The following SLC13A1 variants were observed in gnomAD, a reference collection of about 807,000 sequenced individuals.
SLC13A1 encodes Na(+)/sulfate cotransporter.
Under a neutral mutation model 70.0 loss-of-function variants are expected in SLC13A1, and 65 were observed. That is an observed-to-expected ratio of 0.93 (90% confidence interval 0.76 to 1.14). The LOEUF (loss-of-function observed/expected upper bound fraction) is 1.14, where lower values mean the gene tolerates loss of function less well. Ranked by LOEUF, SLC13A1 falls within the 50% of genes most tolerant of loss-of-function variation. The probability of loss-of-function intolerance (pLI) is 0.00; values close to 1 mark genes in which losing one functional copy is unlikely to be tolerated. For synonymous variants in SLC13A1, 275 were observed against 250.5 expected (o/e 1.10, Z -0.92); for missense variants, 726 against 717.8 (o/e 1.01, Z -0.13).
intron 2 of SLC13A1, among the ~76,000 whole-genome samples, chr7:123,179,642 C>T (rs1795571590): frequency 6.6e-6 from 1 of 152,122 alleles, no homozygotes; most frequent in Non-Finnish European, 1.5e-5. Flanking sequence ...CCTTCCCAGG[C>T]ACCCTTCCCT....
intron 8 of SLC13A1, among the ~76,000 whole-genome samples, chr7:123,131,436 G>A (rs1793755695): frequency 6.6e-6 from 1 of 152,078 alleles, no homozygotes; most frequent in Non-Finnish European, 1.5e-5. Flanking sequence ...TAGTTAAGTC[G>A]AAAGCCAAAT....
At chr7:123,152,002 G>A (rs910505467) in intron 6 of SLC13A1, among the ~76,000 whole-genome samples, 1 of 142,174 alleles carries the variant, frequency 7.0e-6, no homozygotes, top group Non-Finnish European at 1.6e-5. Context: ...ACAGACTGCA[G>A]CCTACAAAAT....
intron 6 of SLC13A1, among the ~76,000 whole-genome samples, chr7:123,151,280 C>T (rs968285862): frequency 5.3e-5 from 8 of 151,872 alleles, no homozygotes; most frequent in Non-Finnish European, 1.0e-4. Context: ...GTCAAGATTG[C>T]ATCACTGCAC....
At chr7:123,185,208 G>A in intron 1 of SLC13A1, among the ~76,000 whole-genome samples, 1 of 148,148 alleles carries the variant, frequency 6.8e-6, no homozygotes, top group African/African-American at 2.4e-5. Context: ...TGAATAGTTT[G>A]CAAATATTTT....
chr7:123,118,960 GTTAC>G (rs1053217950), intron 13 of SLC13A1, 117 bp downstream of exon 13: 5 of 733,340 alleles, frequency 6.8e-6, no homozygotes, highest in African/African-American at 1.8e-5. Flanking sequence ...CACCCTGTAA[GTTAC>G]TTACAGGAGG....
intron 12 of SLC13A1, among the ~76,000 whole-genome samples, chr7:123,120,357 G>A (rs140750732): frequency 3.3e-5 from 5 of 152,044 alleles, no homozygotes; most frequent in African/African-American, 9.6e-5. Flanking sequence ...TAGAATTCTA[G>A]GTTCAAAATA....
chr7:123,134,156 G>T (rs1033285108), intron 8 of SLC13A1, among the ~76,000 whole-genome samples: 1 of 152,128 alleles, frequency 6.6e-6, no homozygotes, highest in African/African-American at 2.4e-5. Flanking sequence ...GCCTTTCAAA[G>T]TGCTGGGATT....
intron 1 of SLC13A1, among the ~76,000 whole-genome samples, chr7:123,192,587 C>T (rs1478952251): frequency 3.3e-5 from 5 of 152,024 alleles, no homozygotes; most frequent in African/African-American, 9.7e-5. Context: ...CTCAGCACAG[C>T]GTGAGAAAAG....
chr7:123,152,149 A>G (rs1248621663), intron 6 of SLC13A1, among the ~76,000 whole-genome samples: 1 of 152,138 alleles, frequency 6.6e-6, no homozygotes, highest in Non-Finnish European at 1.5e-5. Context: ...GCTGCTGTGT[A>G]TAGGAGAGTT....
intron 8 of SLC13A1, among the ~76,000 whole-genome samples, chr7:123,133,963 G>C (rs968072004): frequency 6.6e-6 from 1 of 152,066 alleles, no homozygotes; most frequent in East Asian, 1.9e-4. Context: ...TCAGCCTCTT[G>C]AGTAGCTGGG....
At chr7:123,185,946 G>T (rs1477345928) in intron 1 of SLC13A1, among the ~76,000 whole-genome samples, 1 of 151,888 alleles carries the variant, frequency 6.6e-6, no homozygotes, top group East Asian at 1.9e-4. Flanking sequence ...CTATTGATGG[G>T]TTCATCCCAG....
rs563515717 is a variant in SLC13A1 at position 123,119,318 on chromosome 7, AC to A, written c.1351-77del. ...CAGACACAATAAAATCCATAAAAAAACATTATTTCCTTTGAAAACTCACTTT... is the reference window on the plus strand; with the variant it reads ...CAGACACAATAAAATCCATAAAAAAAATTATTTCCTTTGAAAACTCACTTT... On this transcript the variant is annotated intron_variant, in intron 12 of 14. Transcript: ENST00000194130. The A allele has an allele frequency of 2.9e-4, 292 of 1,020,466 alleles. No homozygotes were observed. The African/African-American group carries it at 3.9e-3, about 14-fold the overall frequency. The allele number at this position is 1,020,466 out of a possible 1,614,324, so 63.2% of individuals were successfully genotyped here.
intron 12 of SLC13A1, among the ~76,000 whole-genome samples, chr7:123,121,648 T>C (rs1793385980): frequency 6.6e-6 from 1 of 152,116 alleles, no homozygotes; most frequent in Admixed American, 6.6e-5. Context: ...CTGATAAGAA[T>C]TTGAAACTGT....
At chr7:123,117,247 C>G (rs1793210278) in intron 14 of SLC13A1, among the ~76,000 whole-genome samples, 1 of 152,084 alleles carries the variant, frequency 6.6e-6, no homozygotes, top group Non-Finnish European at 1.5e-5. Context: ...ATGATGCATT[C>G]AACATCTCTC....
chr7:123,145,903 CAT>C (rs1289091127), intron 7 of SLC13A1, among the ~76,000 whole-genome samples: 2 of 152,134 alleles, frequency 1.3e-5, no homozygotes, highest in African/African-American at 4.8e-5. Context: ...TCAGAAAATT[CAT>C]AGAGTCTATG....
chr7:123,154,259 G>T (rs1794646241), intron 6 of SLC13A1, among the ~76,000 whole-genome samples: 1 of 152,000 alleles, frequency 6.6e-6, no homozygotes, highest in South Asian at 2.1e-4. Flanking sequence ...TACCACAATG[G>T]TAACCTATTG....
In SLC13A1 at chr7:123,129,632, C is replaced by A. The variant is rs1793688447; in HGVS notation, c.933-151G>T. 9 of 597,392 alleles carry A rather than the reference C, an allele frequency of 1.5e-5. No homozygotes were observed. The South Asian group carries it at 1.6e-4, about 10-fold the overall frequency. 37.0% of individuals were successfully genotyped at this position (597,392 alleles called of 1,614,324 possible). On this transcript the variant is annotated intron_variant, in intron 8 of 14. Coordinates refer to ENST00000194130, the MANE Select transcript of SLC13A1 (RefSeq NM_022444.4). ...TCCCCGTTAATAACAGATATCTGTGCTTTTCACCTCTACCTCCACCTCCTT... is the reference window on the plus strand; with the variant it reads ...TCCCCGTTAATAACAGATATCTGTGATTTTCACCTCTACCTCCACCTCCTT...
chr7:123,133,205 G>A (rs932126489), intron 8 of SLC13A1, among the ~76,000 whole-genome samples: 1 of 152,082 alleles, frequency 6.6e-6, no homozygotes, highest in African/African-American at 2.4e-5. Flanking sequence ...CTCTTATCTG[G>A]CCTCTGAGAA....
At position 123,114,820 on chromosome 7, in the gene SLC13A1, A is replaced by G. The variant is rs1020600122; in HGVS notation, c.*698T>C. 6 of 152,224 alleles carry G rather than the reference A, an allele frequency of 3.9e-5. No individual in the cohort carries two copies. The highest frequency in any genetic ancestry group is 7.4e-5 in the Non-Finnish European group (5 of 68,026). The allele number at this position is 152,224 out of a possible 1,614,324, so 9.4% of individuals were successfully genotyped here. On this transcript the variant is annotated 3_prime_UTR_variant, in exon 15 of 15. Transcript: ENST00000194130. ...TTCTCAGTGTGCCAATATCATAAAAATATGAATTATATTACACTAACTATA... is the reference window on the plus strand; with the variant it reads ...TTCTCAGTGTGCCAATATCATAAAAGTATGAATTATATTACACTAACTATA...
Sources: allele counts gnomAD v4.1 joint callset (sites outside exome capture counted in the v4.1 genomes callset), GRCh38; gene constraint gnomAD v4.1.1; transcripts MANE v1.5; gene names NCBI Gene and HGNC (gene_info 2026-07-23, HGNC 2026-07-21).